Variants in COL25A1 observed in about 807,000 individuals in gnomAD.
COL25A1 encodes the protein collagen type XXV alpha 1 chain.
COL25A1 carries 103 observed loss-of-function variants against 128.4 expected under a neutral mutation model. The ratio of observed to expected loss-of-function variants is 0.80; its 90% CI spans 0.68 to 0.94. COL25A1 has a LOEUF of 0.94. Among genes scored for constraint, COL25A1 ranks in the 40% least tolerant of loss-of-function variants. The pLI is 0.00. For missense variants in COL25A1, 745 were observed against 840.0 expected, an observed-to-expected ratio of 0.89 and a Z score of 1.40; for synonymous variants, 279 against 277.2, an observed-to-expected ratio of 1.01 and a Z score of -0.06.
intron 3 of COL25A1, among the ~76,000 whole-genome samples, chr4:109,080,199 T>G (rs79274133): frequency 6.6e-6 from 1 of 152,148 alleles, no homozygotes; most frequent in Non-Finnish European, 1.5e-5. Flanking sequence ...ACTCCTGTTA[T>G]TCCCATTTTA....
At chr4:109,197,976 T>C (rs1051316998) in intron 3 of COL25A1, among the ~76,000 whole-genome samples, 21 of 152,206 alleles carry the variant, frequency 1.4e-4, no homozygotes, top group African/African-American at 5.1e-4. Flanking sequence ...CATTTTCTCA[T>C]TCATCAAAAC....
chr4:109,297,221 A>C (rs955589196), intron 3 of COL25A1, among the ~76,000 whole-genome samples: 1 of 152,134 alleles, frequency 6.6e-6, no homozygotes, highest in African/African-American at 2.4e-5. Flanking sequence ...CAGGGTGACA[A>C]GATGATCTAA....
chr4:109,035,146 T>A (rs1337681454), intron 5 of COL25A1, among the ~76,000 whole-genome samples: 1 of 152,146 alleles, frequency 6.6e-6, no homozygotes, highest in Non-Finnish European at 1.5e-5. Flanking sequence ...ATCATATTGA[T>A]TTTAGTAGTA....
intron 3 of COL25A1, among the ~76,000 whole-genome samples, chr4:109,189,530 A>C (rs1476986139): frequency 3.5e-5 from 5 of 141,606 alleles, no homozygotes; most frequent in Non-Finnish European, 7.5e-5. Flanking sequence ...GCTGGGTGAC[A>C]GAGAGAGACT....
chr4:109,209,839 G>A (rs1777351280), intron 3 of COL25A1, among the ~76,000 whole-genome samples: 1 of 151,948 alleles, frequency 6.6e-6, no homozygotes. Context: ...GATCATTTGA[G>A]GTCAGAAATT....
At chr4:109,115,087 G>A (rs1767407282) in intron 3 of COL25A1, among the ~76,000 whole-genome samples, 1 of 151,922 alleles carries the variant, frequency 6.6e-6, no homozygotes, top group African/African-American at 2.4e-5. Context: ...AAATGTTTTT[G>A]GCCCAAAATC....
chr4:108,963,976 G>A (rs1284304651), intron 8 of COL25A1, among the ~76,000 whole-genome samples: 1 of 151,086 alleles, frequency 6.6e-6, no homozygotes, highest in Non-Finnish European at 1.5e-5. Context: ...AAGCAGAAAA[G>A]TGTGGACAAA....
chr4:109,267,126 A>G (rs1373414068), intron 3 of COL25A1, among the ~76,000 whole-genome samples: 1 of 152,160 alleles, frequency 6.6e-6, no homozygotes, highest in Non-Finnish European at 1.5e-5. Flanking sequence ...ATGAACCCAA[A>G]TGCTAACCTA....
intron 3 of COL25A1, among the ~76,000 whole-genome samples, chr4:109,285,399 T>C (rs921960782): frequency 2.6e-5 from 4 of 152,218 alleles, no homozygotes; most frequent in Non-Finnish European, 5.9e-5. Context: ...ATGACTTATG[T>C]CACCAACTAT....
chr4:109,064,408 A>G (rs1041783521), intron 3 of COL25A1, among the ~76,000 whole-genome samples: 46 of 152,238 alleles, frequency 3.0e-4, no homozygotes, highest in African/African-American at 9.9e-4. Flanking sequence ...ACAAAGTTCT[A>G]CAAGTAAATG....
intron 3 of COL25A1, among the ~76,000 whole-genome samples, chr4:109,152,786 G>A (rs1410162044): frequency 2.0e-5 from 3 of 152,282 alleles, no homozygotes; most frequent in Non-Finnish European, 4.4e-5. Context: ...AATATTGTAT[G>A]ATTCAATTTA....
In COL25A1 at chr4:108,813,173, C is replaced by T. The variant is rs189771880; in HGVS notation, c.*754G>A. 2 of 152,310 alleles carry T rather than the reference C, an allele frequency of 1.3e-5. No homozygotes were observed. Among genetic ancestry groups the T allele is most frequent in the Admixed American group, 1.3e-4 (2 of 15,296 alleles). The allele number at this position is 152,310 out of a possible 1,614,324, so 9.4% of individuals were successfully genotyped here. A position where few individuals can be genotyped will look rare whatever the true frequency, so the allele number is the denominator to read the frequency against. ...ACTGGTGGCAGCAACAGGCTCAACCCCTTCGTATTTCAACCAAAGTGGCCA... is the reference window on the plus strand; with the variant it reads ...ACTGGTGGCAGCAACAGGCTCAACCTCTTCGTATTTCAACCAAAGTGGCCA... On this transcript the variant is annotated 3_prime_UTR_variant, in exon 38 of 38. Transcript: ENST00000399132.
chr4:109,027,421 C>T (rs1328508068), intron 5 of COL25A1, among the ~76,000 whole-genome samples: 3 of 145,232 alleles, frequency 2.1e-5, no homozygotes, highest in Admixed American at 7.0e-5. Flanking sequence ...AGGAAAGTTA[C>T]AGAGCAGGAG....
intron 5 of COL25A1, among the ~76,000 whole-genome samples, chr4:109,011,813 C>G (rs184719890): frequency 6.6e-6 from 1 of 152,214 alleles, no homozygotes. Context: ...TCTTCAAGTG[C>G]TTAACACTCT....
In COL25A1 at chr4:109,302,355, A is replaced by C; in HGVS notation, c.-243T>G. ...ACCGACACCTCTTTCGAGGGCCCCA[A>C]CAGTGGCCGCTCAGGGTCCGAGGGC... is the stretch of plus-strand genomic sequence containing the variant. On this transcript the variant is annotated 5_prime_UTR_variant, in exon 1 of 38. Transcript: ENST00000399132. 3.8e-6 allele frequency: 1 copy of C among 263,230 alleles called. No homozygotes were observed. Among genetic ancestry groups the C allele is most frequent in the Non-Finnish European group, 7.1e-6 (1 of 139,948 alleles). 16.3% of individuals were successfully genotyped at this position (263,230 alleles called of 1,614,324 possible).
chr4:108,937,844 C>T lies in COL25A1; in HGVS notation c.673-1G>A. ...GTTCTCCTGGCTTTCCTGGTTCACC[C>T]TTAAAAAAGAATAGTGATAATTTTA... On this transcript the variant is annotated splice_acceptor_variant, in intron 10 of 37. Coordinates refer to ENST00000399132, the MANE Select transcript of COL25A1 (RefSeq NM_198721.4). LOFTEE classifies it high-confidence loss of function. 1 of 1,603,332 alleles carries T rather than the reference C, an allele frequency of 6.2e-7. No individual in the cohort carries two copies. The highest frequency in any genetic ancestry group is 8.5e-7 in the Non-Finnish European group (1 of 1,175,778).
chr4:109,112,206 T>C (rs1767090995), intron 3 of COL25A1, among the ~76,000 whole-genome samples: 1 of 152,150 alleles, frequency 6.6e-6, no homozygotes, highest in Non-Finnish European at 1.5e-5. Context: ...AAACTGTTGT[T>C]ATAGGAGATC....
chr4:108,837,309 T>A (rs1733922609), intron 31 of COL25A1, among the ~76,000 whole-genome samples: 1 of 152,194 alleles, frequency 6.6e-6, no homozygotes, highest in South Asian at 2.1e-4. Flanking sequence ...TTATGTCATA[T>A]TTTACTAATG....
chr4:108,920,495 T>C, intron 12 of COL25A1, 83 bp downstream of exon 12: 1 of 1,011,442 alleles, frequency 9.9e-7, no homozygotes, highest in Non-Finnish European at 1.5e-6. Context: ...TGGCTTACAG[T>C]AGCTAATTTC....
Sources: allele counts gnomAD v4.1 joint callset (sites outside exome capture counted in the v4.1 genomes callset), GRCh38; gene constraint gnomAD v4.1.1; transcripts MANE v1.5; gene names NCBI Gene and HGNC (gene_info 2026-07-23, HGNC 2026-07-21).